Variants in GALNT13 observed in about 807,000 individuals in gnomAD.
GALNT13 encodes the protein UDP-GalNAc:polypeptide N-acetylgalactosaminyltransferase 13.
Under a neutral mutation model 64.2 loss-of-function variants are expected in GALNT13, and 28 were observed. The ratio of observed to expected loss-of-function variants is 0.44; its 90% confidence interval spans 0.32 to 0.60. The LOEUF (loss-of-function observed/expected upper bound fraction) is 0.60. Ranked by LOEUF, GALNT13 falls within the 20% of genes least tolerant of loss-of-function variation. The pLI is 0.05. For synonymous variants in GALNT13, 214 were observed against 224.6 expected (o/e 0.95, Z 0.42); for missense variants, 577 against 669.8 (o/e 0.86, Z 1.53).
At chr2:154,371,865 C>T (rs1697711584) in intron 9 of GALNT13, among the ~76,000 whole-genome samples, 1 of 151,508 alleles carries the variant, frequency 6.6e-6, no homozygotes, top group Non-Finnish European at 1.5e-5. Flanking sequence ...AAAATACTCA[C>T]CTATCCTTTA....
chr2:153,138,207 G>A, the GALNT13 span, among the ~76,000 whole-genome samples: 1 of 152,184 alleles, frequency 6.6e-6, no homozygotes, highest in Non-Finnish European at 1.5e-5. Flanking sequence ...TGATTCTGGA[G>A]TCCATGCTGT....
chr2:154,185,993 A>G (rs1289667244), intron 4 of GALNT13, among the ~76,000 whole-genome samples: 1 of 152,026 alleles, frequency 6.6e-6, no homozygotes, highest in African/African-American at 2.4e-5. Context: ...CATATTTCAT[A>G]TTACACTAGT....
chr2:153,417,643 A>G, the GALNT13 span, among the ~76,000 whole-genome samples: 1 of 152,186 alleles, frequency 6.6e-6, no homozygotes, highest in Admixed American at 6.5e-5. Flanking sequence ...CTAAGTAAAT[A>G]TGGAACTTTA....
the GALNT13 span, among the ~76,000 whole-genome samples, chr2:153,284,351 A>G: frequency 7.2e-5 from 11 of 152,258 alleles, no homozygotes; most frequent in South Asian, 4.1e-4. Flanking sequence ...ACTTTCCACA[A>G]TTCTGGCTGT....
chr2:153,135,152 C>T, the GALNT13 span, among the ~76,000 whole-genome samples: 1 of 152,106 alleles, frequency 6.6e-6, no homozygotes, highest in African/African-American at 2.4e-5. Flanking sequence ...AGACAGCTAC[C>T]TTCTCACTGT....
the GALNT13 span, among the ~76,000 whole-genome samples, chr2:153,406,202 T>C: frequency 2.0e-5 from 3 of 152,132 alleles, no homozygotes; most frequent in African/African-American, 7.2e-5. Context: ...GGGTGGCTTT[T>C]GTGTACAGAA....
chr2:153,630,779 ATATATATATATATATATATATATATATAT>A, the GALNT13 span, among the ~76,000 whole-genome samples: 4 of 9,160 alleles, frequency 4.4e-4, 1 homozygote, highest in African/African-American at 8.9e-4. Flanking sequence ...ATATATATAT[ATATATATATATATATATATATATATATAT>A]TTTTTTTTTT....
At chr2:153,344,502 G>GT in the GALNT13 span, among the ~76,000 whole-genome samples, 1 of 152,214 alleles carries the variant, frequency 6.6e-6, no homozygotes, top group Non-Finnish European at 1.5e-5. Flanking sequence ...TGCTGTTGTT[G>GT]TTTTTTTGAG....
the GALNT13 span, among the ~76,000 whole-genome samples, chr2:153,681,361 C>A: frequency 7.9e-5 from 12 of 151,742 alleles, no homozygotes; most frequent in Admixed American, 1.3e-4. Flanking sequence ...GGACCATTTC[C>A]AAAACTACTT....
At chr2:153,316,440 A>G in the GALNT13 span, among the ~76,000 whole-genome samples, 1 of 151,376 alleles carries the variant, frequency 6.6e-6, no homozygotes, top group East Asian at 1.9e-4. Context: ...CAGGAGATCG[A>G]GACCATCCTG....
intron 3 of GALNT13, among the ~76,000 whole-genome samples, chr2:154,112,900 A>G (rs1262454560): frequency 6.6e-6 from 1 of 152,142 alleles, no homozygotes; most frequent in Non-Finnish European, 1.5e-5. Context: ...AGTACAGACC[A>G]TGGGCATTTG....
intron 3 of GALNT13, among the ~76,000 whole-genome samples, chr2:154,077,624 T>C (rs1202272063): frequency 1.3e-5 from 2 of 151,504 alleles, no homozygotes; most frequent in African/African-American, 2.4e-5. Context: ...CTGGTGAGAA[T>C]TTAAATAGAC....
the GALNT13 span, among the ~76,000 whole-genome samples, chr2:153,303,388 T>C: frequency 6.6e-6 from 1 of 152,210 alleles, no homozygotes; most frequent in Non-Finnish European, 1.5e-5. Flanking sequence ...TATTTTTGTA[T>C]GTTGATTTTG....
the GALNT13 span, among the ~76,000 whole-genome samples, chr2:153,465,086 G>C: frequency 6.6e-6 from 1 of 152,084 alleles, no homozygotes; most frequent in Non-Finnish European, 1.5e-5. Context: ...TGATGAACAG[G>C]ATCAATCAGC....
At chr2:153,191,986 T>C in the GALNT13 span, among the ~76,000 whole-genome samples, 5 of 151,962 alleles carry the variant, frequency 3.3e-5, no homozygotes, top group Non-Finnish European at 7.4e-5. Flanking sequence ...ATTTTGTTTA[T>C]CTTTTCAAAA....
chr2:154,090,593 T>C (rs775637293), intron 3 of GALNT13, among the ~76,000 whole-genome samples: 10 of 152,042 alleles, frequency 6.6e-5, no homozygotes, highest in Non-Finnish European at 1.2e-4. Flanking sequence ...CCTCTGTGAC[T>C]GAGCTTCTAC....
At chr2:154,343,966 A>G (rs1695918511) in intron 9 of GALNT13, among the ~76,000 whole-genome samples, 1 of 152,020 alleles carries the variant, frequency 6.6e-6, no homozygotes, top group South Asian at 2.1e-4. Context: ...TAGATAGAAT[A>G]TTTCAGCAAG....
At chr2:154,076,546 C>T (rs549375390) in intron 3 of GALNT13, among the ~76,000 whole-genome samples, 1 of 151,736 alleles carries the variant, frequency 6.6e-6, no homozygotes, top group South Asian at 2.1e-4. Flanking sequence ...GGAGTGTGCT[C>T]TGGTCCAATG....
the GALNT13 span, among the ~76,000 whole-genome samples, chr2:153,465,902 C>A: frequency 6.6e-6 from 1 of 152,004 alleles, no homozygotes; most frequent in African/African-American, 2.4e-5. Flanking sequence ...CTTGCTACTT[C>A]AGTAACGGCC....
Sources: gnomAD v4.1 joint callset for allele counts (sites outside exome capture counted in the v4.1 genomes callset) on GRCh38, gnomAD v4.1.1 for gene constraint, MANE v1.5 for transcripts, NCBI Gene and HGNC (gene_info 2026-07-23, HGNC 2026-07-21) for gene names.